ANXA6: variants seen among roughly 807,000 people sequenced by gnomAD.
ANXA6 encodes 67 kDa calelectrin.
Under a neutral mutation model 95.4 loss-of-function variants are expected in ANXA6, and 71 were observed. The ratio of observed to expected loss-of-function variants is 0.74; its 90% CI spans 0.61 to 0.91. ANXA6 has a LOEUF of 0.91. Among genes scored for constraint, ANXA6 ranks in the 40% least tolerant of loss-of-function variants. The pLI, the probability that ANXA6 is intolerant of heterozygous loss-of-function variation, is 0.00. For missense variants in ANXA6, 830 were observed against 876.4 expected, an observed-to-expected ratio of 0.95 and a Z score of 0.67; for synonymous variants, 289 against 315.9, an observed-to-expected ratio of 0.91 and a Z score of 0.90.
At chr5:151,123,095 C>T (rs781764816) in intron 15 of ANXA6, 84 bp from the exon 16 acceptor site, 79 of 1,191,798 alleles carry the variant, frequency 6.6e-5, no homozygotes, top group Middle Eastern at 1.9e-4. Flanking sequence ...GGCCCCTCAT[C>T]GATCTTTGTC....
Sources: allele counts gnomAD v4.1 joint callset, GRCh38; gene constraint gnomAD v4.1.1; transcripts MANE v1.5; gene names NCBI Gene and HGNC (gene_info 2026-07-23, HGNC 2026-07-21).